PDE1A: variants seen among roughly 807,000 people sequenced by gnomAD.
PDE1A encodes dual specificity calcium/calmodulin-dependent 3',5'-cyclic nucleotide phosphodiesterase 1A.
Under a neutral mutation model 61.7 loss-of-function variants are expected in PDE1A, and 35 were observed. The ratio of observed to expected loss-of-function variants is 0.57; its 90% confidence interval spans 0.43 to 0.75. The LOEUF is 0.75. Among genes scored for constraint, PDE1A ranks in the 30% least tolerant of loss-of-function variants. PDE1A has a pLI of 0.00. For missense variants in PDE1A, 597 were observed against 630.6 expected, an observed-to-expected ratio of 0.95 and a Z score of 0.57; for synonymous variants, 232 against 213.2, an observed-to-expected ratio of 1.09 and a Z score of -0.77.
intron 1 of PDE1A, among the ~76,000 whole-genome samples, chr2:182,387,413 A>AT (rs904326589): frequency 5.3e-5 from 8 of 151,128 alleles, no homozygotes; most frequent in African/African-American, 1.2e-4. Context: ...AGAATGATCA[A>AT]TAAAAAAAAA....
intron 1 of PDE1A, among the ~76,000 whole-genome samples, chr2:182,363,483 A>G (rs1300032259): frequency 6.6e-6 from 1 of 151,988 alleles, no homozygotes; most frequent in Non-Finnish European, 1.5e-5. Flanking sequence ...TAGCCAGAGA[A>G]GACCTTTCTA....
chr2:182,567,455 A>C, the PDE1A span, among the ~76,000 whole-genome samples: 1 of 152,352 alleles, frequency 6.6e-6, no homozygotes, highest in Non-Finnish European at 1.5e-5. Context: ...ATAGTTATGA[A>C]AAGGAAAATC....
At chr2:182,539,477 T>C in the PDE1A span, among the ~76,000 whole-genome samples, 1 of 152,166 alleles carries the variant, frequency 6.6e-6, no homozygotes, top group Non-Finnish European at 1.5e-5. Context: ...AAAAGGAACA[T>C]TCGTGAGCAT....
intron 1 of PDE1A, among the ~76,000 whole-genome samples, chr2:182,327,584 A>T (rs895551318): frequency 2.0e-5 from 3 of 152,218 alleles, no homozygotes; most frequent in African/African-American, 7.2e-5. Flanking sequence ...AATTATTTCA[A>T]AAAGGAGGGA....
intron 7 of PDE1A, among the ~76,000 whole-genome samples, chr2:182,217,802 C>T (rs1339360667): frequency 6.6e-6 from 1 of 150,798 alleles, no homozygotes; most frequent in Non-Finnish European, 1.5e-5. Flanking sequence ...GAAATAGGAA[C>T]ACTTTTACAC....
chr2:182,230,518 A>C (rs907554706), intron 5 of PDE1A, among the ~76,000 whole-genome samples: 1 of 152,194 alleles, frequency 6.6e-6, no homozygotes. Context: ...ATTATCTCTC[A>C]GTACTTTATA....
chr2:182,462,632 C>T (rs979534260), intron 2 of PDE1A, among the ~76,000 whole-genome samples: 44 of 152,018 alleles, frequency 2.9e-4, no homozygotes, highest in African/African-American at 1.1e-3. Context: ...AATTAACATA[C>T]TTCCACCTTA....
the PDE1A span, among the ~76,000 whole-genome samples, chr2:182,646,311 G>A: frequency 2.7e-5 from 4 of 149,648 alleles, no homozygotes; most frequent in South Asian, 6.4e-4. Flanking sequence ...AAAAAAATGG[G>A]CATAGTGGTG....
chr2:182,547,241 T>C, the PDE1A span, among the ~76,000 whole-genome samples: 2 of 152,142 alleles, frequency 1.3e-5, no homozygotes, highest in Admixed American at 6.5e-5. Context: ...CGTTGTTGGG[T>C]TCCTGTTCTA....
At chr2:182,324,844 T>A (rs1696940295) in intron 1 of PDE1A, among the ~76,000 whole-genome samples, 1 of 152,200 alleles carries the variant, frequency 6.6e-6, no homozygotes, top group Non-Finnish European at 1.5e-5. Flanking sequence ...AAAAAATCAG[T>A]GCTTCAGTCT....
chr2:182,597,158 T>TAA, the PDE1A span, among the ~76,000 whole-genome samples: 2 of 147,010 alleles, frequency 1.4e-5, no homozygotes, highest in Non-Finnish European at 3.0e-5. Flanking sequence ...TCTCAAAAAT[T>TAA]AAAAAAAAAA....
At chr2:182,498,322 A>G (rs868183812) in intron 2 of PDE1A, among the ~76,000 whole-genome samples, 1 of 152,160 alleles carries the variant, frequency 6.6e-6, no homozygotes, top group South Asian at 2.1e-4. Context: ...AAATTATTAT[A>G]TACATAGCAA....
chr2:182,255,363 C>T (rs1049661886), intron 2 of PDE1A, among the ~76,000 whole-genome samples: 2 of 152,180 alleles, frequency 1.3e-5, no homozygotes, highest in Admixed American at 6.5e-5. Context: ...TATTCTGACT[C>T]TAAATGCCAA....
intron 13 of PDE1A, among the ~76,000 whole-genome samples, chr2:182,155,587 C>CTA (rs1396512565): frequency 3.3e-5 from 5 of 152,116 alleles, no homozygotes; most frequent in Non-Finnish European, 5.9e-5. Flanking sequence ...TCACCTTGAA[C>CTA]TATAATAAGC....
At chr2:182,297,087 T>C (rs1166918073) in intron 1 of PDE1A, among the ~76,000 whole-genome samples, 2 of 152,210 alleles carry the variant, frequency 1.3e-5, no homozygotes, top group African/African-American at 4.8e-5. Context: ...CTATTCCTTA[T>C]AATAAATCTC....
chr2:182,209,755 C>A (rs1371005850), intron 7 of PDE1A, among the ~76,000 whole-genome samples: 1 of 152,040 alleles, frequency 6.6e-6, no homozygotes, highest in African/African-American at 2.4e-5. Context: ...TTCCCCTTCG[C>A]CCTTCTGCCA....
At chr2:182,474,281 A>G (rs1687221222) in intron 2 of PDE1A, among the ~76,000 whole-genome samples, 1 of 151,928 alleles carries the variant, frequency 6.6e-6, no homozygotes, top group Non-Finnish European at 1.5e-5. Context: ...GCTCTTTCAG[A>G]GTGAGAAAAA....
chr2:182,400,100 T>C (rs1309285403), intron 1 of PDE1A, among the ~76,000 whole-genome samples: 8 of 152,158 alleles, frequency 5.3e-5, no homozygotes, highest in African/African-American at 1.9e-4. Flanking sequence ...TGGCTACTAT[T>C]GAAGATTAAG....
chr2:182,335,512 T>C (rs776331333), intron 1 of PDE1A, among the ~76,000 whole-genome samples: 2 of 152,194 alleles, frequency 1.3e-5, no homozygotes, highest in Non-Finnish European at 2.9e-5. Flanking sequence ...AAACAAGCAA[T>C]GGGGAAAGGA....
Sources: allele counts gnomAD v4.1 joint callset (sites outside exome capture counted in the v4.1 genomes callset), GRCh38; gene constraint gnomAD v4.1.1; transcripts MANE v1.5; gene names NCBI Gene and HGNC (gene_info 2026-07-23, HGNC 2026-07-21).